Variants in SPATA9 observed in about 807,000 individuals in gnomAD.
SPATA9 encodes the protein spermatogenesis-associated protein 9.
A neutral mutation model predicts 25.5 loss-of-function variants in SPATA9; 27 were observed. The ratio of observed to expected loss-of-function variants is 1.06; its 90% CI spans 0.78 to 1.46. The LOEUF is 1.46. Among genes scored for constraint, SPATA9 ranks in the 40% most tolerant of loss-of-function variants. The pLI, the probability that SPATA9 is intolerant of heterozygous loss-of-function variation, is 0.00. For missense variants in SPATA9, 282 were observed against 297.5 expected (o/e 0.95, Z 0.38); for synonymous variants, 102 against 105.7 (o/e 0.97, Z 0.21).
chr5:95,731,893 G>T, the SPATA9 span: 1 of 1,613,930 alleles, frequency 6.2e-7, no homozygotes, highest in South Asian at 1.1e-5. Flanking sequence ...GAACGAGGGG[G>T]ACACATTCCA....
upstream of SPATA9, among the ~76,000 whole-genome samples, chr5:95,700,750 T>C (rs547646218): frequency 1.8e-3 from 271 of 152,274 alleles, 1 homozygote; most frequent in Non-Finnish European, 3.0e-3. Flanking sequence ...CTTATATAAC[T>C]ATAGTACAAT....
chr5:95,720,519 T>C, the SPATA9 span, among the ~76,000 whole-genome samples: 2 of 152,234 alleles, frequency 1.3e-5, no homozygotes, highest in African/African-American at 2.4e-5. Context: ...GTGTACAATT[T>C]GTGCCTGTTT....
the SPATA9 span, chr5:95,708,523 G>T: frequency 1.4e-6 from 1 of 693,586 alleles, no homozygotes; most frequent in African/African-American, 1.8e-5. Context: ...GGTGGCTAAA[G>T]TTACAAATGT....
At chr5:95,680,247 G>A (rs878888755) in intron 2 of SPATA9, among the ~76,000 whole-genome samples, 1 of 152,080 alleles carries the variant, frequency 6.6e-6, no homozygotes, top group Admixed American at 6.6e-5. Flanking sequence ...TGAATCAACT[G>A]CATATATAAC....
At chr5:95,725,009 TAAAAAA>T in the SPATA9 span, among the ~76,000 whole-genome samples, 2 of 145,078 alleles carry the variant, frequency 1.4e-5, no homozygotes, top group East Asian at 4.0e-4. Context: ...CCCCATGTCT[TAAAAAA>T]AAAAAAATTA....
upstream of SPATA9, among the ~76,000 whole-genome samples, chr5:95,687,275 C>T (rs772974300): frequency 2.6e-5 from 4 of 152,114 alleles, no homozygotes; most frequent in Non-Finnish European, 5.9e-5. Flanking sequence ...CAGTGAAATC[C>T]AGGTTATCAT....
At chr5:95,717,471 T>C in the SPATA9 span, 3 of 152,164 alleles carry the variant, frequency 2.0e-5, no homozygotes, top group African/African-American at 4.8e-5. Context: ...TATATGTTTG[T>C]ATATACACAC....
the SPATA9 span, among the ~76,000 whole-genome samples, chr5:95,720,159 C>T: frequency 6.6e-6 from 1 of 152,158 alleles, no homozygotes; most frequent in Non-Finnish European, 1.5e-5. Context: ...GTGATCAACC[C>T]TGGGCACCTT....
At chr5:95,708,010 C>A in the SPATA9 span, among the ~76,000 whole-genome samples, 1 of 152,194 alleles carries the variant, frequency 6.6e-6, no homozygotes, top group African/African-American at 2.4e-5. Context: ...AATTAAGAAA[C>A]CAATTTAATA....
chr5:95,731,636 G>A, the SPATA9 span: 9 of 1,611,900 alleles, frequency 5.6e-6, no homozygotes, highest in East Asian at 2.2e-5. Context: ...GAAGCCGTGA[G>A]CCGCTGCTTT....
the SPATA9 span, among the ~76,000 whole-genome samples, chr5:95,707,916 T>C: frequency 0.22 from 33,138 of 151,548 alleles, 3,372 homozygotes; most frequent in South Asian, 0.34. Context: ...GGGAATCAAA[T>C]CGTTGATTCC....
At chr5:95,717,391 GTGTGTGTATA>G in the SPATA9 span, 1 of 152,114 alleles carries the variant, frequency 6.6e-6, no homozygotes, top group East Asian at 1.9e-4. Context: ...ATATAGATAT[GTGTGTGTATA>G]TGTGTGCATA....
At chr5:95,706,834 T>G in the SPATA9 span, among the ~76,000 whole-genome samples, 9 of 116,066 alleles carry the variant, frequency 7.8e-5, no homozygotes, top group Non-Finnish European at 1.2e-4. Context: ...AATGCCACAT[T>G]TGCATATATA....
the SPATA9 span, among the ~76,000 whole-genome samples, chr5:95,724,627 G>A: frequency 6.6e-6 from 1 of 152,090 alleles, no homozygotes. Context: ...CACCACGCCC[G>A]GCTAATTTTT....
At chr5:95,688,271 A>ATC (rs1321467067) in intron 1 of SPATA9, among the ~76,000 whole-genome samples, 1 of 152,202 alleles carries the variant, frequency 6.6e-6, no homozygotes, top group Admixed American at 6.5e-5. Context: ...GTGAGACAGC[A>ATC]TCTCTCTCTC....
At chr5:95,731,346 G>A in the SPATA9 span, 1 of 1,118,634 alleles carries the variant, frequency 8.9e-7, no homozygotes, top group Non-Finnish European at 1.1e-6. Context: ...AGCAGGAGGC[G>A]ACAGCTGCCA....
upstream of SPATA9, among the ~76,000 whole-genome samples, chr5:95,700,205 C>A (rs1754141299): frequency 2.0e-5 from 3 of 152,118 alleles, no homozygotes; most frequent in Non-Finnish European, 4.4e-5. Context: ...AAAGCAATTT[C>A]ATAGTAGCTA....
the SPATA9 span, among the ~76,000 whole-genome samples, chr5:95,723,005 G>A: frequency 1.7e-3 from 265 of 152,176 alleles, 4 homozygotes; most frequent in Admixed American, 0.014. Context: ...GAGGTGGGTG[G>A]ATAACAGAAA....
intron 2 of SPATA9, among the ~76,000 whole-genome samples, chr5:95,677,601 G>A (rs1424551391): frequency 6.6e-6 from 1 of 152,010 alleles, no homozygotes; most frequent in East Asian, 1.9e-4. Flanking sequence ...TGCCTTCTTA[G>A]CAGTTTTTTT....
Sources: allele counts gnomAD v4.1 joint callset (sites outside exome capture counted in the v4.1 genomes callset), GRCh38; gene constraint gnomAD v4.1.1; transcripts MANE v1.5; gene names NCBI Gene and HGNC (gene_info 2026-07-23, HGNC 2026-07-21).